Variants in ZFPM2 observed in about 807,000 individuals in gnomAD.
ZFPM2 encodes the protein zinc finger protein ZFPM2.
A neutral mutation model predicts 98.6 loss-of-function variants in ZFPM2; 20 were observed. The ratio of observed to expected loss-of-function variants is 0.20; its 90% CI spans 0.14 to 0.29. The LOEUF (loss-of-function observed/expected upper bound fraction) is 0.29, where lower values mean the gene tolerates loss of function less well. ZFPM2 is among the 10% of genes least tolerant of loss of function. The pLI is 1.00. For synonymous variants in ZFPM2, 518 were observed against 502.7 expected (o/e 1.03, Z -0.41); for missense variants, 1,310 against 1,388.6 (o/e 0.94, Z 0.90).
At chr8:105,415,128 C>G (rs1407915358) in intron 1 of ZFPM2, 1 of 152,076 alleles carries the variant, frequency 6.6e-6, no homozygotes, top group African/African-American at 2.4e-5. Flanking sequence ...AATGGAAGTA[C>G]TCAGTACTAC....
chr8:105,723,972 C>T (rs1478660039), intron 5 of ZFPM2, among the ~76,000 whole-genome samples: 1 of 151,668 alleles, frequency 6.6e-6, no homozygotes, highest in Non-Finnish European at 1.5e-5. Context: ...AGCTGCTTCT[C>T]CTGTTATCTT....
intron 5 of ZFPM2, chr8:105,670,062 A>G (rs895245843): frequency 1.3e-5 from 2 of 152,196 alleles, no homozygotes; most frequent in Non-Finnish European, 2.9e-5. Context: ...ATTCTTTTTT[A>G]TATCTTTCTG....
chr8:105,399,612 A>G (rs1811294232), intron 1 of ZFPM2, among the ~76,000 whole-genome samples: 1 of 152,218 alleles, frequency 6.6e-6, no homozygotes, highest in Non-Finnish European at 1.5e-5. Context: ...ATGCTAAGCT[A>G]GAGAGGAGGT....
At chr8:105,487,992 C>A (rs1813269050) in intron 3 of ZFPM2, among the ~76,000 whole-genome samples, 1 of 151,340 alleles carries the variant, frequency 6.6e-6, no homozygotes, top group Non-Finnish European at 1.5e-5. Context: ...AGTTTTACAG[C>A]AAAATTGAGA....
chr8:105,433,011 G>A (rs1370004129), intron 2 of ZFPM2, among the ~76,000 whole-genome samples: 1 of 151,974 alleles, frequency 6.6e-6, no homozygotes, highest in Non-Finnish European at 1.5e-5. Flanking sequence ...GAGGCAGGAG[G>A]ATTGCTTGAG....
At chr8:105,700,199 T>A (rs1241943682) in intron 5 of ZFPM2, among the ~76,000 whole-genome samples, 1 of 152,218 alleles carries the variant, frequency 6.6e-6, no homozygotes, top group Admixed American at 6.5e-5. Context: ...TCTGCCATAA[T>A]GCTACAGCAG....
At chr8:105,800,372 G>GATC (rs1813964697) in intron 7 of ZFPM2, among the ~76,000 whole-genome samples, 1 of 151,880 alleles carries the variant, frequency 6.6e-6, no homozygotes, top group African/African-American at 2.4e-5. Flanking sequence ...AATAGGCAGT[G>GATC]ATCAATCAGC....
chr8:105,489,466 ATTTT>A (rs369037656), intron 3 of ZFPM2, among the ~76,000 whole-genome samples: 285 of 119,770 alleles, frequency 2.4e-3, no homozygotes, highest in South Asian at 0.01. Context: ...ATATATATAT[ATTTT>A]TTTTTTTTTT....
chr8:105,385,931 A>G lies in ZFPM2; in HGVS notation c.41-33213A>G, dbSNP rs186851005. 6.6e-5 allele frequency among the ~76,000 whole-genome samples: 10 copies of G among 152,302 alleles called. No homozygotes were observed. The East Asian group carries it at 1.7e-3, about 26-fold the overall frequency. On this transcript the variant is annotated intron_variant, in intron 1 of 7. Coordinates refer to ENST00000407775, the MANE Select transcript of ZFPM2 (RefSeq NM_012082.4). Reference sequence around the variant, plus strand: ...TGAGGTCAGAACTGGCTTATATTCCAGTTCTGCAGCCCACCTCCATGTGAC... The same window carrying G: ...TGAGGTCAGAACTGGCTTATATTCCGGTTCTGCAGCCCACCTCCATGTGAC...
At chr8:105,785,321 CACA>C (rs1287705962) in intron 5 of ZFPM2, 2 of 147,170 alleles carry the variant, frequency 1.4e-5, no homozygotes, top group South Asian at 2.1e-4. Flanking sequence ...ACAACAGACA[CACA>C]ACACACACAC....
At chr8:105,591,811 A>G (rs1463408468) in intron 4 of ZFPM2, among the ~76,000 whole-genome samples, 3 of 152,112 alleles carry the variant, frequency 2.0e-5, no homozygotes, top group African/African-American at 7.2e-5. Flanking sequence ...TACTCTCCCA[A>G]TCCACAAAAT....
chr8:105,771,903 C>T (rs1157760838), intron 5 of ZFPM2, among the ~76,000 whole-genome samples: 1 of 152,080 alleles, frequency 6.6e-6, no homozygotes, highest in Non-Finnish European at 1.5e-5. Flanking sequence ...CTTTGTTTTA[C>T]TAATGCTAAT....
In ZFPM2 at chr8:105,494,183, GTATATATATATATATATATATATA is replaced by G. The variant is rs61035457; in HGVS notation, c.301+49823_301+49846del. Reference sequence around the variant, plus strand: ...GCTCACATTTAAGCTGCCACCAAAAGTATATATATATATATATATATATATATATATATATATATATATAATCTC... The same window carrying G: ...GCTCACATTTAAGCTGCCACCAAAAGTATATATATATATATATATAATCTC... On this transcript the variant is annotated intron_variant, in intron 3 of 7. Transcript: ENST00000407775. Among the ~76,000 whole-genome samples, 39 of 60,004 alleles carry G rather than the reference GTATATATATATATATATATATATA, an allele frequency of 6.5e-4. 1 individual carries two copies. The highest frequency in any genetic ancestry group is 4.9e-3 in the East Asian group (6 of 1,214). The allele number at this position is 60,004 out of a possible 152,430, so 39.4% of individuals were successfully genotyped here.
At chr8:105,499,828 G>A (rs1248441202) in intron 3 of ZFPM2, among the ~76,000 whole-genome samples, 1 of 152,146 alleles carries the variant, frequency 6.6e-6, no homozygotes, top group Non-Finnish European at 1.5e-5. Context: ...GGTGGAGGTT[G>A]GGGGAAGTTT....
intron 4 of ZFPM2, among the ~76,000 whole-genome samples, chr8:105,595,373 T>G (rs1815946298): frequency 6.6e-6 from 1 of 152,056 alleles, no homozygotes; most frequent in African/African-American, 2.4e-5. Flanking sequence ...GAAAGAGCTA[T>G]TATCCAAAAG....
chr8:105,671,952 A>G (rs2130905814), intron 5 of ZFPM2, among the ~76,000 whole-genome samples: 1 of 152,288 alleles, frequency 6.6e-6, no homozygotes, highest in African/African-American at 2.4e-5. Flanking sequence ...CTGATTTTGA[A>G]CTGCATTACA....
At chr8:105,392,446 G>A (rs941838502) in intron 1 of ZFPM2, among the ~76,000 whole-genome samples, 3 of 152,118 alleles carry the variant, frequency 2.0e-5, no homozygotes, top group Non-Finnish European at 4.4e-5. Context: ...ATCTCATGAA[G>A]ACCATTGATA....
intron 1 of ZFPM2, among the ~76,000 whole-genome samples, chr8:105,325,935 C>T (rs1812105763): frequency 6.6e-6 from 1 of 151,672 alleles, no homozygotes; most frequent in African/African-American, 2.4e-5. Flanking sequence ...AAATAAAAGG[C>T]TATTCTTTTT....
At chr8:105,696,324 T>C (rs544774334) in intron 5 of ZFPM2, among the ~76,000 whole-genome samples, 1 of 152,324 alleles carries the variant, frequency 6.6e-6, no homozygotes, top group South Asian at 2.1e-4. Flanking sequence ...CTTACCCTTA[T>C]ATGATCGTGG....
Sources: allele counts gnomAD v4.1 joint callset (sites outside exome capture counted in the v4.1 genomes callset), GRCh38; gene constraint gnomAD v4.1.1; transcripts MANE v1.5; gene names NCBI Gene and HGNC (gene_info 2026-07-23, HGNC 2026-07-21).